Variants in PIK3C2G observed in about 807,000 individuals in gnomAD.
PIK3C2G encodes the protein phosphatidylinositol 3-kinase C2 domain-containing subunit gamma.
In PIK3C2G, 168 loss-of-function variants were observed where a neutral mutation model predicts 181.1. That is an observed-to-expected ratio of 0.93 (90% CI 0.82 to 1.05). The LOEUF (loss-of-function observed/expected upper bound fraction) is 1.05. Among genes scored for constraint, PIK3C2G ranks in the 50% least tolerant of loss-of-function variants. The probability of loss-of-function intolerance (pLI) is 0.00; values close to 1 mark genes in which losing one functional copy is unlikely to be tolerated. For missense variants in PIK3C2G, 1,869 were observed against 1,732.8 expected (o/e 1.08, Z -1.40); for synonymous variants, 573 against 592.2 (o/e 0.97, Z 0.47).
intron 18 of PIK3C2G, among the ~76,000 whole-genome samples, chr12:18,470,541 T>C (rs1938360090): frequency 6.6e-6 from 1 of 152,170 alleles, no homozygotes; most frequent in Non-Finnish European, 1.5e-5. Context: ...GTGAAGATGC[T>C]GAAAACTCCT....
intron 18 of PIK3C2G, among the ~76,000 whole-genome samples, chr12:18,466,507 C>T (rs983190569): frequency 6.6e-6 from 1 of 151,882 alleles, no homozygotes; most frequent in African/African-American, 2.4e-5. Flanking sequence ...AAGTTTTACA[C>T]CACACAATAA....
chr12:18,292,812 A>G (rs1458598333), intron 4 of PIK3C2G, among the ~76,000 whole-genome samples: 2 of 152,214 alleles, frequency 1.3e-5, no homozygotes, highest in Admixed American at 1.3e-4. Flanking sequence ...GAAAGGAAGA[A>G]GAACCAACGG....
the PIK3C2G span, chr12:18,723,226 A>G: frequency 8.2e-7 from 1 of 1,216,206 alleles, no homozygotes. Context: ...ATTCATAAAA[A>G]TACTTTGCTT....
intron 31 of PIK3C2G, among the ~76,000 whole-genome samples, chr12:18,629,883 A>G (rs1340487052): frequency 6.6e-6 from 1 of 152,216 alleles, no homozygotes; most frequent in Non-Finnish European, 1.5e-5. Context: ...ATTGCAATAG[A>G]TAACAGGAAC....
chr12:18,681,716 T>C, the PIK3C2G span, among the ~76,000 whole-genome samples: 2,064 of 152,154 alleles, frequency 0.014, 54 homozygotes, highest in African/African-American at 0.048. Flanking sequence ...AGTGGAATAT[T>C]TCAAAATGAA....
intron 22 of PIK3C2G, among the ~76,000 whole-genome samples, chr12:18,501,624 TTAAA>T (rs1359136425): frequency 6.6e-6 from 1 of 152,314 alleles, no homozygotes; most frequent in South Asian, 2.1e-4. Context: ...TTCGAAGAAT[TTAAA>T]TAGTGTATGA....
intron 26 of PIK3C2G, among the ~76,000 whole-genome samples, chr12:18,556,199 T>C (rs1208547916): frequency 6.6e-6 from 1 of 152,166 alleles, no homozygotes; most frequent in Non-Finnish European, 1.5e-5. Context: ...ATCCAAAGCA[T>C]AATCCTGCTA....
intron 18 of PIK3C2G, among the ~76,000 whole-genome samples, chr12:18,443,028 T>C (rs764099375): frequency 3.3e-5 from 5 of 152,072 alleles, no homozygotes; most frequent in Non-Finnish European, 7.4e-5. Flanking sequence ...CCCGCCACCA[T>C]GCCCAGCTAA....
chr12:18,395,708 T>C (rs1943844785), intron 15 of PIK3C2G, among the ~76,000 whole-genome samples: 1 of 151,368 alleles, frequency 6.6e-6, no homozygotes. Context: ...AAATAAAATT[T>C]ATAATAACTT....
intron 16 of PIK3C2G, among the ~76,000 whole-genome samples, chr12:18,409,906 T>C (rs144664264): frequency 1.3e-5 from 2 of 152,182 alleles, no homozygotes; most frequent in East Asian, 1.9e-4. Flanking sequence ...CACCTTCACA[T>C]GGCTGGGCAG....
At chr12:18,685,275 T>C in the PIK3C2G span, among the ~76,000 whole-genome samples, 36 of 151,994 alleles carry the variant, frequency 2.4e-4, no homozygotes, top group African/African-American at 8.5e-4. Flanking sequence ...AACCAATTTC[T>C]GCCAAGCAAG....
At chr12:18,724,722 G>A in the PIK3C2G span, among the ~76,000 whole-genome samples, 3 of 152,024 alleles carry the variant, frequency 2.0e-5, no homozygotes, top group Non-Finnish European at 2.9e-5. Context: ...CTGTGGAAGC[G>A]GATGTTATAG....
chr12:18,563,437 G>C lies in PIK3C2G; in HGVS notation c.3841G>C (p.Glu1281Gln), dbSNP rs773501044. 22 of 1,613,542 alleles carry C rather than the reference G, an allele frequency of 1.4e-5. No individual in the cohort carries two copies. Among genetic ancestry groups the C allele is most frequent in the Admixed American group, 1.0e-4 (6 of 59,992 alleles). Residue 1281 changes from glutamate to glutamine, a missense_variant, in exon 28 of 33, where the codon GAG (glutamate) becomes CAG (glutamine). Transcript: ENST00000538779. The stretch of plus-strand genomic sequence containing the variant: ...AACAAGCCTGACAGAAAAATCATTT[G>C]AGCAGTTTTCAAAACTTCACAGCCA... ...NETSLTEKSF[E>Q]QFSKLHSQLQ... is the part of the protein sequence containing the mutation.
At chr12:18,306,973 C>T (rs570762755) in intron 5 of PIK3C2G, among the ~76,000 whole-genome samples, 29 of 151,028 alleles carry the variant, frequency 1.9e-4, no homozygotes, top group Non-Finnish European at 1.8e-4. Context: ...ATAAAACAAG[C>T]GTAAGTATTT....
intron 5 of PIK3C2G, among the ~76,000 whole-genome samples, 158 bp from the exon 6 acceptor site, chr12:18,313,804 T>TCA (rs5796752): frequency 0.045 from 6,785 of 149,536 alleles, 414 homozygotes; most frequent in African/African-American, 0.14. Context: ...GCATATATAT[T>TCA]CACACACACA....
chr12:18,450,222 G>A (rs767428603), intron 18 of PIK3C2G, among the ~76,000 whole-genome samples: 1 of 152,214 alleles, frequency 6.6e-6, no homozygotes, highest in African/African-American at 2.4e-5. Context: ...CACCTCCTGG[G>A]TTCAGGTGAT....
chr12:18,385,221 C>T (rs1231646551), intron 14 of PIK3C2G, among the ~76,000 whole-genome samples: 1 of 152,142 alleles, frequency 6.6e-6, no homozygotes, highest in Non-Finnish European at 1.5e-5. Context: ...CTTCACTTTT[C>T]CGATTGTCCT....
intron 8 of PIK3C2G, among the ~76,000 whole-genome samples, chr12:18,331,945 C>G (rs1485709053): frequency 6.6e-6 from 1 of 151,910 alleles, no homozygotes; most frequent in Non-Finnish European, 1.5e-5. Flanking sequence ...CTCTTTTATT[C>G]TTTTCAAATT....
At chr12:18,535,147 G>A (rs1943780251) in intron 24 of PIK3C2G, among the ~76,000 whole-genome samples, 2 of 152,022 alleles carry the variant, frequency 1.3e-5, no homozygotes, top group South Asian at 4.2e-4. Flanking sequence ...TTACATTTCA[G>A]TGGACTGATA....
Sources: allele counts gnomAD v4.1 joint callset (sites outside exome capture counted in the v4.1 genomes callset), GRCh38; gene constraint gnomAD v4.1.1; transcripts MANE v1.5; gene names NCBI Gene and HGNC (gene_info 2026-07-23, HGNC 2026-07-21).